Variants in CSMD1 observed in about 807,000 individuals in gnomAD.
CSMD1 encodes the protein CUB and Sushi multiple domains 1, also known as CUB and sushi domain-containing protein 1.
In CSMD1, 213 loss-of-function variants were observed where a neutral mutation model predicts 417.5. The observed-to-expected ratio is 0.51, with a 90% CI of 0.46 to 0.57. CSMD1 has a LOEUF of 0.57. Ranked by LOEUF, CSMD1 falls within the 20% of genes least tolerant of loss-of-function variation. The pLI, the probability that CSMD1 is intolerant of heterozygous loss-of-function variation, is 0.00. For synonymous variants in CSMD1, 2,862 were observed against 1,736.8 expected (o/e 1.65, Z -16.11); for missense variants, 6,923 against 4,529.7 (o/e 1.53, Z -15.17).
In CSMD1 at chr8:4,174,026, G is replaced by C. The variant is rs80058955; in HGVS notation, c.416-141927C>G. ...CCTGGATCAATCACCATGGCCAAGG[G>C]AATGCCCTGAGTTCATTGGTTTAGG... On this transcript the variant is annotated intron_variant, in intron 3 of 69. Coordinates refer to ENST00000635120, the MANE Select transcript of CSMD1 (RefSeq NM_033225.6). Among the ~76,000 whole-genome samples, 637 of 152,256 alleles carry C rather than the reference G, an allele frequency of 4.2e-3. 20 individuals are homozygous for C. In the East Asian group the frequency reaches 0.062, roughly 15 times the overall value.
At chr8:3,744,370 C>G (rs987601184) in intron 6 of CSMD1, among the ~76,000 whole-genome samples, 1 of 152,122 alleles carries the variant, frequency 6.6e-6, no homozygotes. Context: ...CAGGGCACAG[C>G]AGGACCAGAT....
chr8:3,583,377 G>C (rs147372448), intron 9 of CSMD1, among the ~76,000 whole-genome samples: 1 of 151,960 alleles, frequency 6.6e-6, no homozygotes, highest in African/African-American at 2.4e-5. Flanking sequence ...CAGGTGCCTC[G>C]AATAGACTGC....
Position 2,938,562 on chromosome 8 carries a change from C to CA in CSMD1, c.*22dup, listed in dbSNP as rs1254092581. The CA allele has an allele frequency of 6.2e-7, 1 of 1,600,598 alleles. No individual in the cohort carries two copies. The highest frequency in any genetic ancestry group is 8.5e-7 in the Non-Finnish European group (1 of 1,172,806). The stretch of plus-strand genomic sequence containing the variant: ...GTCCATCAGAGGTATGGCTATGAAT[C>CA]AGTCCTGTTGGGGCACTGAGGGCTA... On this transcript the variant is annotated 3_prime_UTR_variant, in exon 70 of 70. Transcript: ENST00000635120.
At chr8:4,054,046 C>A (rs369041124) in intron 3 of CSMD1, among the ~76,000 whole-genome samples, 1 of 152,188 alleles carries the variant, frequency 6.6e-6, no homozygotes, top group East Asian at 1.9e-4. Flanking sequence ...AGGAAGTTCA[C>A]TGAGAGCCAA....
Position 3,141,733 on chromosome 8 carries a change from T to A in CSMD1, c.6241+732A>T, listed in dbSNP as rs558227677. 2.6e-4 allele frequency among the ~76,000 whole-genome samples: 40 copies of A among 151,730 alleles called. 2 individuals are homozygous for A. Among genetic ancestry groups the A allele is most frequent in the Admixed American group, 2.6e-3 (40 of 15,264 alleles). ...GCAAGAAAAACTCACTTCCGCCCCC[T>A]GTGATTCCATCTCCAACCTGACCAA... On this transcript the variant is annotated intron_variant, in intron 41 of 69. Transcript: ENST00000635120.
intron 2 of CSMD1, among the ~76,000 whole-genome samples, chr8:4,426,710 AAT>A (rs1298920822): frequency 1.4e-5 from 2 of 147,472 alleles, no homozygotes; most frequent in African/African-American, 2.5e-5. Flanking sequence ...ATAATGCAGT[AAT>A]ATTTTATTAC....
At chr8:3,284,401 C>G (rs1489098600) in intron 25 of CSMD1, 55 bp from the exon 26 acceptor site, 1 of 1,369,822 alleles carries the variant, frequency 7.3e-7, no homozygotes, top group Non-Finnish European at 1.0e-6. Context: ...TGTCCTGACC[C>G]CATAGCTGTA....
chr8:4,502,211 A>G (rs1054965052), intron 2 of CSMD1, among the ~76,000 whole-genome samples: 12 of 152,080 alleles, frequency 7.9e-5, no homozygotes, highest in East Asian at 7.7e-4. Flanking sequence ...TTTTTTTACT[A>G]TTGCAGTAGA....
chr8:4,641,616 G>T (rs374494366), intron 1 of CSMD1, among the ~76,000 whole-genome samples: 1 of 152,272 alleles, frequency 6.6e-6, no homozygotes, highest in African/African-American at 2.4e-5. Flanking sequence ...AAGGTCTTCT[G>T]ACACCAAAGC....
chr8:4,942,873 T>C (rs969111264), intron 1 of CSMD1, among the ~76,000 whole-genome samples: 1 of 152,204 alleles, frequency 6.6e-6, no homozygotes, highest in African/African-American at 2.4e-5. Flanking sequence ...ATCCAAAACA[T>C]TCTATGAAAG....
intron 3 of CSMD1, among the ~76,000 whole-genome samples, chr8:4,109,624 T>C (rs1467844380): frequency 1.3e-5 from 2 of 152,196 alleles, no homozygotes; most frequent in Admixed American, 6.5e-5. Flanking sequence ...AATCAAAAGC[T>C]CTAGACAACA....
intron 5 of CSMD1, among the ~76,000 whole-genome samples, chr8:3,798,646 A>G (rs1177143020): frequency 6.6e-6 from 1 of 152,144 alleles, no homozygotes; most frequent in East Asian, 1.9e-4. Context: ...TATAAAAAAT[A>G]CATACATTTA....
intron 1 of CSMD1, among the ~76,000 whole-genome samples, chr8:4,661,243 AAATT>A (rs1804587520): frequency 6.6e-6 from 1 of 152,182 alleles, no homozygotes; most frequent in African/African-American, 2.4e-5. Context: ...ATGGCTAAAT[AAATT>A]GTGTTACATC....
At chr8:4,433,582 A>G (rs1797989805) in intron 2 of CSMD1, among the ~76,000 whole-genome samples, 1 of 152,106 alleles carries the variant, frequency 6.6e-6, no homozygotes, top group Non-Finnish European at 1.5e-5. Flanking sequence ...GAGAGATGAA[A>G]AGCGCCCTTA....
In CSMD1 at chr8:4,349,646, A is replaced by G. The variant is rs568737953; in HGVS notation, c.415+70307T>C. Among the ~76,000 whole-genome samples the G allele has an allele frequency of 5.3e-5, 8 of 152,298 alleles. 1 individual carries two copies. The South Asian group carries it at 1.2e-3, about 24-fold the overall frequency. Reference sequence around the variant, plus strand: ...TGAAATTTCACAATTGCATACCTTCATAATATTTGGCTAAATGGTAAATTT... The same window carrying G: ...TGAAATTTCACAATTGCATACCTTCGTAATATTTGGCTAAATGGTAAATTT... On this transcript the variant is annotated intron_variant, in intron 3 of 69. Transcript: ENST00000635120.
At chr8:4,370,027 G>C (rs1329005910) in intron 3 of CSMD1, among the ~76,000 whole-genome samples, 2 of 152,026 alleles carry the variant, frequency 1.3e-5, no homozygotes, top group East Asian at 1.9e-4. Context: ...TAGTTGTATA[G>C]TTGATTTATA....
chr8:3,699,400 T>G (rs1800726224), intron 7 of CSMD1, among the ~76,000 whole-genome samples: 1 of 152,208 alleles, frequency 6.6e-6, no homozygotes, highest in Admixed American at 6.5e-5. Context: ...ACATAACATT[T>G]TGATAATGGG....
At chr8:4,454,591 C>A (rs781067983) in intron 2 of CSMD1, among the ~76,000 whole-genome samples, 1 of 152,182 alleles carries the variant, frequency 6.6e-6, no homozygotes, top group Admixed American at 6.5e-5. Context: ...TGATTTAGGG[C>A]TGGCTGGGGA....
chr8:4,449,872 C>G (rs1336408438), intron 2 of CSMD1, among the ~76,000 whole-genome samples: 1 of 152,194 alleles, frequency 6.6e-6, no homozygotes, highest in Non-Finnish European at 1.5e-5. Context: ...AGTTTCTTTA[C>G]TTAGCAATCT....
Sources: gnomAD v4.1 joint callset for allele counts (sites outside exome capture counted in the v4.1 genomes callset) on GRCh38, gnomAD v4.1.1 for gene constraint, MANE v1.5 for transcripts, NCBI Gene and HGNC (gene_info 2026-07-23, HGNC 2026-07-21) for gene names.